Variants in CDK14 observed in about 807,000 individuals in gnomAD.
The protein encoded by CDK14 is cyclin-dependent kinase 14.
CDK14 carries 34 observed loss-of-function variants against 60.7 expected under a neutral mutation model. That is an observed-to-expected ratio of 0.56 (90% CI 0.43 to 0.75). CDK14 has a LOEUF of 0.75. Among genes scored for constraint, CDK14 ranks in the 30% least tolerant of loss-of-function variants. CDK14 has a pLI of 0.00. For missense variants in CDK14, 482 were observed against 564.1 expected (o/e 0.85, Z 1.47); for synonymous variants, 197 against 203.7 (o/e 0.97, Z 0.28).
intron 10 of CDK14, among the ~76,000 whole-genome samples, chr7:91,006,331 T>C (rs924791056): frequency 6.6e-6 from 1 of 152,228 alleles, no homozygotes; most frequent in Non-Finnish European, 1.5e-5. Context: ...CTATATAGGC[T>C]GCATTTTTTC....
chr7:90,869,345 A>G (rs770717776), intron 6 of CDK14, among the ~76,000 whole-genome samples: 33 of 152,204 alleles, frequency 2.2e-4, no homozygotes, highest in Admixed American at 3.9e-4. Context: ...TTTTAGAGGA[A>G]GAGCATTCTA....
intron 4 of CDK14, among the ~76,000 whole-genome samples, chr7:90,783,679 C>G (rs562829457): frequency 6.6e-6 from 1 of 152,026 alleles, no homozygotes; most frequent in Non-Finnish European, 1.5e-5. Context: ...TGAAAAAATG[C>G]TCAACATCAT....
intron 4 of CDK14, among the ~76,000 whole-genome samples, chr7:90,759,054 T>TA (rs66582106): frequency 0.48 from 64,029 of 134,630 alleles, 15,758 homozygotes; most frequent in East Asian, 0.82. Flanking sequence ...AGACTCTGTC[T>TA]AAAAAAAAAA....
chr7:90,632,630 C>G (rs965889331), intron 2 of CDK14: 1 of 152,490 alleles, frequency 6.6e-6, no homozygotes, highest in Non-Finnish European at 1.5e-5. Flanking sequence ...TTTTTGACAC[C>G]GAACCTTTTA....
intron 5 of CDK14, among the ~76,000 whole-genome samples, chr7:90,853,000 A>G (rs1490380478): frequency 2.6e-5 from 4 of 152,194 alleles, no homozygotes; most frequent in African/African-American, 7.2e-5. Context: ...TGAAATTTTA[A>G]TTCAGCTCCA....
chr7:91,002,340 A>G (rs1301921607), intron 10 of CDK14, among the ~76,000 whole-genome samples: 1 of 152,134 alleles, frequency 6.6e-6, no homozygotes, highest in African/African-American at 2.4e-5. Context: ...TTTATGTTAT[A>G]ATATCTCTTA....
chr7:90,953,869 G>A (rs1584162348), intron 8 of CDK14, among the ~76,000 whole-genome samples: 1 of 152,050 alleles, frequency 6.6e-6, no homozygotes, highest in East Asian at 1.9e-4. Context: ...CCTTTTGATG[G>A]GGTTACCAAG....
intron 11 of CDK14, among the ~76,000 whole-genome samples, chr7:91,069,493 A>G (rs1323184873): frequency 6.6e-6 from 1 of 152,168 alleles, no homozygotes; most frequent in East Asian, 1.9e-4. Context: ...GTGAGCTATG[A>G]TTGTGCCACT....
At chr7:91,118,677 G>A (rs976580165) in intron 14 of CDK14, among the ~76,000 whole-genome samples, 9 of 152,226 alleles carry the variant, frequency 5.9e-5, no homozygotes, top group African/African-American at 2.2e-4. Flanking sequence ...CCTACCAGAA[G>A]TGTTTGCGTG....
intron 2 of CDK14, among the ~76,000 whole-genome samples, chr7:90,665,250 A>G (rs952878336): frequency 4.6e-5 from 7 of 152,038 alleles, no homozygotes; most frequent in Non-Finnish European, 1.0e-4. Flanking sequence ...GTGCCACTGT[A>G]CTCCAGCCCG....
At chr7:90,649,436 T>C (rs983953727) in intron 2 of CDK14, among the ~76,000 whole-genome samples, 3 of 134,806 alleles carry the variant, frequency 2.2e-5, no homozygotes, top group African/African-American at 5.5e-5. Flanking sequence ...TTTCTTTCTC[T>C]TTCCTTCCTT....
intron 5 of CDK14, chr7:90,824,533 A>G (rs1363950631): frequency 6.6e-6 from 1 of 152,242 alleles, no homozygotes; most frequent in East Asian, 1.9e-4. Context: ...AGAGTAGCTC[A>G]TAAACAGTTA....
At chr7:91,027,037 T>C (rs1796594662) in intron 10 of CDK14, among the ~76,000 whole-genome samples, 1 of 152,196 alleles carries the variant, frequency 6.6e-6, no homozygotes, top group Non-Finnish European at 1.5e-5. Flanking sequence ...ACAGTATCAG[T>C]GTTCAAAAAC....
At chr7:91,108,781 T>C (rs1034487224) in intron 12 of CDK14, among the ~76,000 whole-genome samples, 7 of 152,216 alleles carry the variant, frequency 4.6e-5, no homozygotes, top group African/African-American at 9.6e-5. Flanking sequence ...CACAAACCTC[T>C]GGTTGAAAAG....
chr7:90,831,421 A>G lies in CDK14; in HGVS notation c.545-31754A>G, dbSNP rs146727729. Among the ~76,000 whole-genome samples the G allele has an allele frequency of 1.6e-4, 24 of 152,266 alleles. No individual in the cohort carries two copies. In the East Asian group the frequency reaches 2.1e-3, roughly 13 times the overall value. Reference sequence around the variant, plus strand: ...ATGGGGGAACCTCCCCGATGATCCAATCACCTCCCACCAGGACCCTCCCCT... The same window carrying G: ...ATGGGGGAACCTCCCCGATGATCCAGTCACCTCCCACCAGGACCCTCCCCT... On this transcript the variant is annotated intron_variant, in intron 5 of 14. Transcript: ENST00000380050.
chr7:91,110,615 A>C (rs573075476), intron 12 of CDK14, among the ~76,000 whole-genome samples: 1 of 152,196 alleles, frequency 6.6e-6, no homozygotes, highest in African/African-American at 2.4e-5. Flanking sequence ...AACTATCGCA[A>C]TCACCTTTCT....
At chr7:90,896,960 TA>T (rs1479059879) in intron 6 of CDK14, among the ~76,000 whole-genome samples, 1 of 152,204 alleles carries the variant, frequency 6.6e-6, no homozygotes, top group African/African-American at 2.4e-5. Context: ...AGCATGAGTT[TA>T]TTGGGCATGC....
chr7:90,936,011 T>C (rs1034961), intron 8 of CDK14, among the ~76,000 whole-genome samples: 125,674 of 151,560 alleles, frequency 0.83, 52,243 homozygotes, highest in East Asian at 0.95. Context: ...CACTGCACTC[T>C]AGCATGGGCA....
chr7:90,890,089 T>A (rs932368157), intron 6 of CDK14, among the ~76,000 whole-genome samples: 2 of 152,244 alleles, frequency 1.3e-5, no homozygotes, highest in Non-Finnish European at 2.9e-5. Flanking sequence ...CGGACTCCTC[T>A]AGGCCAGGCA....
Sources: allele counts gnomAD v4.1 joint callset (sites outside exome capture counted in the v4.1 genomes callset), GRCh38; gene constraint gnomAD v4.1.1; transcripts MANE v1.5; gene names NCBI Gene and HGNC (gene_info 2026-07-23, HGNC 2026-07-21).